CERS6: variants seen among roughly 807,000 people sequenced by gnomAD.
CERS6 encodes ceramide synthase 6.
Under a neutral mutation model 56.8 loss-of-function variants are expected in CERS6, and 26 were observed. That is an observed-to-expected ratio of 0.46 (90% CI 0.34 to 0.63). The LOEUF is 0.63. Ranked by LOEUF, CERS6 falls within the 30% of genes least tolerant of loss-of-function variation. The pLI is 0.01. For missense variants in CERS6, 415 were observed against 467.5 expected (o/e 0.89, Z 1.04); for synonymous variants, 164 against 173.3 (o/e 0.95, Z 0.42).
intron 1 of CERS6, among the ~76,000 whole-genome samples, chr2:168,468,380 C>T (rs966399477): frequency 3.3e-5 from 5 of 152,210 alleles, no homozygotes; most frequent in African/African-American, 9.6e-5. Flanking sequence ...GGTAAGGGCA[C>T]ACATCAAGTT....
At chr2:168,523,175 C>T (rs1695012649) in intron 1 of CERS6, among the ~76,000 whole-genome samples, 1 of 152,158 alleles carries the variant, frequency 6.6e-6, no homozygotes, top group African/African-American at 2.4e-5. Flanking sequence ...CTCTGCTCTA[C>T]CATTTTGGGT....
At chr2:168,648,238 C>T (rs1224585367) in intron 4 of CERS6, among the ~76,000 whole-genome samples, 1 of 151,982 alleles carries the variant, frequency 6.6e-6, no homozygotes, top group Non-Finnish European at 1.5e-5. Context: ...CTTTCTAGTT[C>T]AGTCTTGGCG....
chr2:168,521,200 T>A (rs1431967847), intron 1 of CERS6, among the ~76,000 whole-genome samples: 1 of 152,136 alleles, frequency 6.6e-6, no homozygotes, highest in African/African-American at 2.4e-5. Flanking sequence ...TCCCAGATGG[T>A]TTCCAAAGCT....
chr2:168,635,227 G>A (rs558781516), intron 4 of CERS6, among the ~76,000 whole-genome samples: 48 of 152,290 alleles, frequency 3.2e-4, no homozygotes, highest in African/African-American at 1.1e-3. Context: ...CAAAGGAAGA[G>A]CCATGGAGCC....
intron 1 of CERS6, among the ~76,000 whole-genome samples, chr2:168,463,888 G>A (rs1693821323): frequency 6.6e-6 from 1 of 152,080 alleles, no homozygotes; most frequent in Non-Finnish European, 1.5e-5. Flanking sequence ...CAATCTGGGC[G>A]CCAGACCAAG....
chr2:168,715,420 T>C lies in CERS6; in HGVS notation c.738+291T>C, dbSNP rs144596042. Among the ~76,000 whole-genome samples, 1,001 of 152,326 alleles carry C rather than the reference T, an allele frequency of 6.6e-3. 10 individuals carry two copies. The highest frequency in any genetic ancestry group is 0.022 in the African/African-American group (907 of 41,586). On this transcript the variant is annotated intron_variant, in intron 7 of 9. Transcript: ENST00000305747. The stretch of plus-strand genomic sequence containing the variant: ...GGAAAATCATTATTTGATTAGGTTT[T>C]GTTTTGTGTGTTGTAACTTTTACCC...
At chr2:168,751,118 A>G (rs77069130) in intron 8 of CERS6, among the ~76,000 whole-genome samples, 3,464 of 152,292 alleles carry the variant, frequency 0.023, 124 homozygotes, top group African/African-American at 0.076. Flanking sequence ...TGTTACCTCA[A>G]AACTTATCCT....
At chr2:168,618,504 C>T (rs928051636) in intron 3 of CERS6, among the ~76,000 whole-genome samples, 3 of 152,088 alleles carry the variant, frequency 2.0e-5, no homozygotes, top group South Asian at 2.1e-4. Flanking sequence ...CCAAAAAGCT[C>T]CTAGAACTGA....
At chr2:168,501,999 A>C (rs1694588934) in intron 1 of CERS6, among the ~76,000 whole-genome samples, 1 of 152,108 alleles carries the variant, frequency 6.6e-6, no homozygotes, top group South Asian at 2.1e-4. Context: ...AGCTGAATGA[A>C]ATCAAGTTGC....
chr2:168,634,526 C>G (rs1397854237), intron 4 of CERS6, among the ~76,000 whole-genome samples: 1 of 152,108 alleles, frequency 6.6e-6, no homozygotes, highest in Admixed American at 6.5e-5. Flanking sequence ...GATTCTTGTG[C>G]CTCAGCCTCC....
Position 168,718,087 on chromosome 2 carries a change from G to A in CERS6, c.845+109G>A, listed in dbSNP as rs890487990. 6 of 714,956 alleles carry A rather than the reference G, an allele frequency of 8.4e-6. No homozygotes were observed. In the East Asian group the frequency reaches 1.4e-4, roughly 16 times the overall value. 44.3% of individuals were successfully genotyped at this position (714,956 alleles called of 1,614,324 possible). A position where few individuals can be genotyped will look rare whatever the true frequency, so the allele number is the denominator to read the frequency against. ...AGTATTTACAGGTTTAAATATATTG[G>A]GGGGGAGGGGAAATACCTCAAGAAG... On this transcript the variant is annotated intron_variant, in intron 8 of 9. Transcript: ENST00000305747.
intron 4 of CERS6, among the ~76,000 whole-genome samples, chr2:168,674,129 C>T (rs943096142): frequency 6.6e-6 from 1 of 152,108 alleles, no homozygotes; most frequent in African/African-American, 2.4e-5. Flanking sequence ...ATTTCATGTG[C>T]AAGAAAAGTC....
At position 168,676,825 on chromosome 2, in the gene CERS6, G is replaced by T. The variant is rs1394548592; in HGVS notation, c.466-14209G>T. Reference sequence around the variant, plus strand: ...GTTTACTCGAGGGTAGAGGTTTAATGAAGTTAATGACTTTTATGCTTCATC... The same window carrying T: ...GTTTACTCGAGGGTAGAGGTTTAATTAAGTTAATGACTTTTATGCTTCATC... On this transcript the variant is annotated intron_variant, in intron 4 of 9. Transcript: ENST00000305747. Among the ~76,000 whole-genome samples the T allele has an allele frequency of 2.6e-5, 4 of 152,146 alleles. No individual in the cohort carries two copies. The East Asian group carries it at 7.7e-4, about 29-fold the overall frequency.
chr2:168,579,798 C>G (rs1176831063), intron 3 of CERS6, among the ~76,000 whole-genome samples: 1 of 152,124 alleles, frequency 6.6e-6, no homozygotes, highest in Non-Finnish European at 1.5e-5. Flanking sequence ...TCATCTCTCC[C>G]AGCTCCTCTC....
chr2:168,750,019 G>T (rs982810939), intron 8 of CERS6, among the ~76,000 whole-genome samples: 9 of 152,166 alleles, frequency 5.9e-5, no homozygotes, highest in African/African-American at 2.2e-4. Flanking sequence ...GGGTCTTCAG[G>T]TCATGGAGAG....
intron 1 of CERS6, among the ~76,000 whole-genome samples, chr2:168,506,924 A>G (rs1404495965): frequency 6.6e-6 from 1 of 152,222 alleles, no homozygotes; most frequent in Non-Finnish European, 1.5e-5. Context: ...AATTTTTAAA[A>G]TGATTTCAAA....
chr2:168,546,907 CAGAA>C (rs1336458443), intron 1 of CERS6, among the ~76,000 whole-genome samples: 2 of 152,180 alleles, frequency 1.3e-5, no homozygotes, highest in African/African-American at 2.4e-5. Flanking sequence ...CAAATGCGAC[CAGAA>C]AGAAGGCTCA....
At chr2:168,767,705 C>T (rs1293785606) in intron 9 of CERS6, among the ~76,000 whole-genome samples, 2 of 152,184 alleles carry the variant, frequency 1.3e-5, no homozygotes, top group Non-Finnish European at 2.9e-5. Flanking sequence ...CCCACAGGAA[C>T]TGTAGTTTCT....
intron 1 of CERS6, among the ~76,000 whole-genome samples, chr2:168,509,677 A>C (rs1694743954): frequency 6.6e-6 from 1 of 152,208 alleles, no homozygotes; most frequent in South Asian, 2.1e-4. Flanking sequence ...TAGATGATGA[A>C]TCTCAGTGTT....
Sources: gnomAD v4.1 joint callset for allele counts (sites outside exome capture counted in the v4.1 genomes callset) on GRCh38, gnomAD v4.1.1 for gene constraint, MANE v1.5 for transcripts, NCBI Gene and HGNC (gene_info 2026-07-23, HGNC 2026-07-21) for gene names.